The following ZMAT2 variants were observed in gnomAD, a reference collection of about 807,000 sequenced individuals.
ZMAT2 encodes the protein zinc finger matrin-type 2, also known as zinc finger matrin-type protein 2.
In ZMAT2, 5 loss-of-function variants were observed where a neutral mutation model predicts 27.5. The observed-to-expected ratio is 0.18, with a 90% CI of 0.10 to 0.38. The LOEUF (loss-of-function observed/expected upper bound fraction) is 0.38, where lower values mean the gene tolerates loss of function less well. Ranked by LOEUF, ZMAT2 falls within the 10% of genes least tolerant of loss-of-function variation. The pLI, the probability that ZMAT2 is intolerant of heterozygous loss-of-function variation, is 1.00. For missense variants in ZMAT2, 124 were observed against 243.9 expected (o/e 0.51, Z 3.27); for synonymous variants, 76 against 78.6 (o/e 0.97, Z 0.17).
At chr5:140,703,009 A>G (rs1265925435) in intron 3 of ZMAT2, among the ~76,000 whole-genome samples, 2 of 152,188 alleles carry the variant, frequency 1.3e-5, no homozygotes, top group Non-Finnish European at 2.9e-5. Flanking sequence ...AGCATAAACT[A>G]CACCACTCAC....
rs1760054389 is a variant in ZMAT2, at chr5:140,706,218, T to C, written c.*462T>C. The C allele has an allele frequency of 6.3e-6, 1 of 159,440 alleles. No individual in the cohort carries two copies. The highest frequency in any genetic ancestry group is 1.4e-5 in the Non-Finnish European group (1 of 71,924). 9.9% of individuals were successfully genotyped at this position (159,440 alleles called of 1,614,324 possible). A position where few individuals can be genotyped will look rare whatever the true frequency, so the allele number is the denominator to read the frequency against. ...TTGCATATCCTTGATCAGCCCTTTT[T>C]CCCATCCTGCCCTATGGTTCTCTAG... is the stretch of plus-strand genomic sequence containing the variant. On this transcript the variant is annotated 3_prime_UTR_variant, in exon 6 of 6. Coordinates refer to ENST00000274712, the MANE Select transcript of ZMAT2 (RefSeq NM_144723.3).
intron 3 of ZMAT2, among the ~76,000 whole-genome samples, chr5:140,702,373 C>T (rs1290404236): frequency 1.3e-5 from 2 of 152,106 alleles, no homozygotes; most frequent in African/African-American, 2.4e-5. Context: ...CAGTGGCTCA[C>T]GCCTGTATTC....
chr5:140,702,230 T>G, intron 3 of ZMAT2, 101 bp downstream of exon 3: 1 of 1,418,364 alleles, frequency 7.1e-7, no homozygotes, highest in African/African-American at 1.4e-5. Context: ...GCCCCAGGAT[T>G]ACGTCCTTCT....
rs145640336 is a variant in ZMAT2, at chr5:140,700,875, C to G, written c.75C>G (p.Ala25=). 4.9e-5 allele frequency: 79 copies of G among 1,613,814 alleles called. No homozygotes were observed. The highest frequency in any genetic ancestry group is 6.4e-5 in the Non-Finnish European group (75 of 1,179,980). ...ACAAAGATGAATATGAGAAACTCGCCGAGAAGAGGCTCACGGAAGAGAGAG... is the reference window on the plus strand; with the variant it reads ...ACAAAGATGAATATGAGAAACTCGCGGAGAAGAGGCTCACGGAAGAGAGAG... The part of the protein sequence containing the change: ...KWDKDEYEKL[A]EKRLTEEREK... Residue 25 remains alanine (A), a synonymous_variant, in exon 2 of 6, where the codon GCC becomes GCG. Coordinates refer to ENST00000274712, the MANE Select transcript of ZMAT2 (RefSeq NM_144723.3).
chr5:140,703,266 A>C (rs1759997553), intron 3 of ZMAT2, among the ~76,000 whole-genome samples: 1 of 139,186 alleles, frequency 7.2e-6, no homozygotes, highest in Non-Finnish European at 1.5e-5. Context: ...TCTGAGACAG[A>C]GTTTCACTCT....
intron 4 of ZMAT2, 58 bp downstream of exon 4, chr5:140,704,049 G>C: frequency 1.4e-6 from 2 of 1,477,106 alleles, no homozygotes; most frequent in Non-Finnish European, 1.9e-6. Flanking sequence ...AGGTGGGGTG[G>C]AATGGAAGGG....
In ZMAT2 at chr5:140,706,549, CAAAAAA is replaced by C. The variant is rs1013081523; in HGVS notation, c.*794_*799del. The C allele has an allele frequency of 5.9e-5, 9 of 152,230 alleles. No individual in the cohort carries two copies. Among genetic ancestry groups the C allele is most frequent in the Admixed American group, 3.9e-4 (6 of 15,260 alleles). The allele number at this position is 152,230 out of a possible 1,614,324, so 9.4% of individuals were successfully genotyped here. A position where few individuals can be genotyped will look rare whatever the true frequency, so the allele number is the denominator to read the frequency against. On this transcript the variant is annotated 3_prime_UTR_variant, in exon 6 of 6. Coordinates refer to ENST00000274712, the MANE Select transcript of ZMAT2 (RefSeq NM_144723.3). ...GGCTTTTGGAAGAACCTGTTTGATG[CAAAAAA>C]GAAAATGAAAAACAAAACAAAAAAT...
rs6849 is a variant in ZMAT2, at chr5:140,706,606, G to T, written c.*850G>T. 65,635 of 152,496 alleles carry T rather than the reference G, an allele frequency of 0.43. 14,363 individuals carry two copies. The highest frequency in any genetic ancestry group is 0.46 in the East Asian group (2,401 of 5,180). The allele number at this position is 152,496 out of a possible 1,614,324, so 9.4% of individuals were successfully genotyped here. A position where few individuals can be genotyped will look rare whatever the true frequency, so the allele number is the denominator to read the frequency against. ...CCCCAAAACCTTATTATGGGAGCCC[G>T]TCGGTCTTAGAAGCTGTTTGACATG... is the stretch of plus-strand genomic sequence containing the variant. On this transcript the variant is annotated 3_prime_UTR_variant, in exon 6 of 6. Coordinates refer to ENST00000274712, the MANE Select transcript of ZMAT2 (RefSeq NM_144723.3).
At chr5:140,704,144 T>TCTCCA in intron 4 of ZMAT2, 153 bp downstream of exon 4, 1 of 739,198 alleles carries the variant, frequency 1.4e-6, no homozygotes, top group East Asian at 2.6e-5. Context: ...TTGATGCCCC[T>TCTCCA]ATTAGAACTC....
At chr5:140,700,600 G>C in intron 1 of ZMAT2, 122 bp downstream of exon 1, 1 of 1,555,160 alleles carries the variant, frequency 6.4e-7, no homozygotes, top group South Asian at 1.2e-5. Flanking sequence ...CAGGGTTCAG[G>C]TTCAAGAACT....
chr5:140,701,461 T>C (rs956916139), intron 2 of ZMAT2, among the ~76,000 whole-genome samples: 1 of 152,232 alleles, frequency 6.6e-6, no homozygotes, highest in African/African-American at 2.4e-5. Flanking sequence ...AGAAATGTTT[T>C]ATTTTGTCAT....
chr5:140,703,822 C>G, intron 3 of ZMAT2, 96 bp from the exon 4 acceptor site: 1 of 1,168,222 alleles, frequency 8.6e-7, no homozygotes, highest in Non-Finnish European at 1.3e-6. Flanking sequence ...CTTAACACTT[C>G]TAAAAAGAAG....
Position 140,700,869 on chromosome 5 carries a change from A to G in ZMAT2, c.69A>G (p.Lys23=), listed in dbSNP as rs763339003. 1 of 1,613,956 alleles carries G rather than the reference A, an allele frequency of 6.2e-7. No individual in the cohort carries two copies. The highest frequency in any genetic ancestry group is 1.1e-5 in the South Asian group (1 of 91,072). ...RRKWDKDEYE[K]LAEKRLTEER... ...AGTGGGACAAAGATGAATATGAGAA[A>G]CTCGCCGAGAAGAGGCTCACGGAAG... The change falls in exon 2 of 6, where the codon AAA becomes AAG. Residue 23 remains lysine, a synonymous_variant. Coordinates refer to ENST00000274712, the MANE Select transcript of ZMAT2 (RefSeq NM_144723.3).
chr5:140,703,329 C>T (rs1440552946), intron 3 of ZMAT2, among the ~76,000 whole-genome samples: 2 of 151,500 alleles, frequency 1.3e-5, no homozygotes, highest in Admixed American at 6.6e-5. Context: ...ACAGCCTCGC[C>T]TCCTGGGTTC....
chr5:140,701,056 T>C, intron 2 of ZMAT2, 144 bp downstream of exon 2: 1 of 760,556 alleles, frequency 1.3e-6, no homozygotes, highest in Non-Finnish European at 2.1e-6. Flanking sequence ...TTTCTGCATT[T>C]ACAAAATGAG....
chr5:140,703,827 A>C (rs1760006339), intron 3 of ZMAT2, 91 bp from the exon 4 acceptor site: 1 of 1,199,300 alleles, frequency 8.3e-7, no homozygotes, highest in East Asian at 2.3e-5. Flanking sequence ...CACTTCTAAA[A>C]AGAAGTTTAC....
At position 140,700,856 on chromosome 5, in the gene ZMAT2, A is replaced by C; in HGVS notation, c.56A>C (p.Asp19Ala). 2 of 1,614,110 alleles carry C rather than the reference A, an allele frequency of 1.2e-6. No homozygotes were observed. Among genetic ancestry groups the C allele is most frequent in the Non-Finnish European group, 1.7e-6 (2 of 1,179,988 alleles). Reference protein sequence around the residue: ...NLDFRRKWDKDEYEKLAEKRL... With the variant: ...NLDFRRKWDKAEYEKLAEKRL... ...GACTTTCGCCGAAAGTGGGACAAAG[A>C]TGAATATGAGAAACTCGCCGAGAAG... The change falls in exon 2 of 6, where the codon GAT (aspartate) becomes GCT (alanine). Residue 19 changes from aspartate to alanine, a missense_variant. Asp to Ala is a moderately radical substitution (Grantham distance 126). Around this residue, in one of 5 missense-constraint regions of ZMAT2, gnomAD observed 24 missense variants for 24.1 expected, o/e 0.99. Transcript: ENST00000274712.
At chr5:140,705,334 A>G (rs1324212428) in intron 5 of ZMAT2, among the ~76,000 whole-genome samples, 1 of 148,432 alleles carries the variant, frequency 6.7e-6, no homozygotes, top group South Asian at 2.1e-4. Flanking sequence ...TTTTTTTTTA[A>G]CTGCAAGAGG....
At position 140,705,903 on chromosome 5, in the gene ZMAT2, T is replaced by G; in HGVS notation, c.*147T>G. ...GGATAGAGGGTGGGGGCTCATGGTTTCCCTCTACTTTGGGAGAGGGCACAG... is the reference window on the plus strand; with the variant it reads ...GGATAGAGGGTGGGGGCTCATGGTTGCCCTCTACTTTGGGAGAGGGCACAG... On this transcript the variant is annotated 3_prime_UTR_variant, in exon 6 of 6. Transcript: ENST00000274712. The G allele has an allele frequency of 1.9e-6, 2 of 1,068,364 alleles. No individual in the cohort carries two copies. Among genetic ancestry groups the G allele is most frequent in the South Asian group, 2.0e-5 (1 of 50,330 alleles). 66.2% of individuals were successfully genotyped at this position (1,068,364 alleles called of 1,614,324 possible). A position where few individuals can be genotyped will look rare whatever the true frequency, so the allele number is the denominator to read the frequency against.
Sources: allele counts gnomAD v4.1 joint callset (sites outside exome capture counted in the v4.1 genomes callset), GRCh38; gene constraint gnomAD v4.1.1; regional missense constraint gnomAD v4.1.1; transcripts MANE v1.5; gene names NCBI Gene and HGNC (gene_info 2026-07-23, HGNC 2026-07-21).